Variants in CLCN1 observed in about 807,000 individuals in gnomAD.
CLCN1 encodes chloride voltage-gated channel 1.
CLCN1 carries 100 observed loss-of-function variants against 114.5 expected under a neutral mutation model. That is an observed-to-expected ratio of 0.87 (90% confidence interval 0.74 to 1.03). The LOEUF is 1.03. Ranked by LOEUF, CLCN1 falls within the 50% of genes least tolerant of loss-of-function variation. The pLI, the probability that CLCN1 is intolerant of heterozygous loss-of-function variation, is 0.00. For missense variants in CLCN1, 1,188 were observed against 1,250.0 expected, an observed-to-expected ratio of 0.95 and a Z score of 0.75; for synonymous variants, 485 against 487.1, an observed-to-expected ratio of 1.00 and a Z score of 0.06.
intron 12 of CLCN1, among the ~76,000 whole-genome samples, chr7:143,335,864 G>A (rs570912598): frequency 6.6e-6 from 1 of 152,104 alleles, no homozygotes; most frequent in South Asian, 2.1e-4. Context: ...GTTTCACCTT[G>A]TTAGCCAGGA....
chr7:143,332,639 A>T (rs2116854936), intron 11 of CLCN1, 85 bp from the exon 12 acceptor site: 1 of 1,570,048 alleles, frequency 6.4e-7, no homozygotes, highest in Non-Finnish European at 8.8e-7. Flanking sequence ...ACCCTTGAAT[A>T]ATGAGGCTGG....
In CLCN1 at chr7:143,323,309, G is replaced by A. The variant is rs139039122; in HGVS notation, c.697G>A (p.Gly233Ser). 3 of 1,609,770 alleles carry A rather than the reference G, an allele frequency of 1.9e-6. No homozygotes were observed. The highest frequency in any genetic ancestry group is 1.7e-5 in the Admixed American group (1 of 59,998). The change falls in exon 6 of 23, where the codon GGC becomes AGC. Residue 233 changes from glycine (G) to serine (S), a missense_variant and splice_region_variant. Gly to Ser is a moderately conservative substitution (Grantham distance 56, BLOSUM62 0). Coordinates refer to ENST00000343257, the MANE Select transcript of CLCN1 (RefSeq NM_000083.3). ...CGCCCCCTCGCTCCCCCTCTCCCAGGGCCCCTTCGTCCACATTGCCAGCAT... is the reference window on the plus strand; with the variant it reads ...CGCCCCCTCGCTCCCCCTCTCCCAGAGCCCCTTCGTCCACATTGCCAGCAT... ...LGSGIPVGKE[G>S]PFVHIASICA...
chr7:143,321,981 G>A lies in CLCN1; in HGVS notation c.696+133G>A. 1 of 1,017,424 alleles carries A rather than the reference G, an allele frequency of 9.8e-7. No individual in the cohort carries two copies. The highest frequency in any genetic ancestry group is 1.6e-5 in the South Asian group (1 of 61,402). The allele number at this position is 1,017,424 out of a possible 1,614,324, so 63.0% of individuals were successfully genotyped here. A position where few individuals can be genotyped will look rare whatever the true frequency, so the allele number is the denominator to read the frequency against. Reference sequence around the variant, plus strand: ...CAAGGCCAGGGCCAGGGGACACTAGGAAGGGGAAATGCTTTGGAAGTTCCT... The same window carrying A: ...CAAGGCCAGGGCCAGGGGACACTAGAAAGGGGAAATGCTTTGGAAGTTCCT... On this transcript the variant is annotated intron_variant, in intron 5 of 22. Coordinates refer to ENST00000343257, the MANE Select transcript of CLCN1 (RefSeq NM_000083.3). This position sits in a 1 kb window ranked among gnomAD's most constrained non-coding sequence, Gnocchi z 4.2.
In CLCN1 at chr7:143,341,149, T is replaced by C. The variant is rs567228651; in HGVS notation, c.1583-780T>C. Among the ~76,000 whole-genome samples the C allele has an allele frequency of 2.0e-5, 3 of 152,282 alleles. No homozygotes were observed. The East Asian group carries it at 5.8e-4, about 29-fold the overall frequency. On this transcript the variant is annotated intron_variant, in intron 14 of 22. Coordinates refer to ENST00000343257, the MANE Select transcript of CLCN1 (RefSeq NM_000083.3). ...GAGCAGGATCTGACACAGGTCTCAT[T>C]GCTGCATGTCCACAGTATGATTCTC... is the stretch of plus-strand genomic sequence containing the variant.
intron 6 of CLCN1, chr7:143,323,772 C>T: frequency 2.1e-6 from 1 of 481,758 alleles, no homozygotes; most frequent in Non-Finnish European, 4.3e-6. Context: ...TACGTCCCGC[C>T]TGCCCCACCC....
chr7:143,323,649 C>T (rs774948017), intron 6 of CLCN1: 8 of 631,650 alleles, frequency 1.3e-5, no homozygotes, highest in South Asian at 9.1e-5. Flanking sequence ...CGTCTGCTCC[C>T]ATGCTCTCCC....
chr7:143,331,707 G>C, intron 10 of CLCN1, 55 bp downstream of exon 10: 2 of 1,269,622 alleles, frequency 1.6e-6, no homozygotes, highest in Non-Finnish European at 2.3e-6. Context: ...TTCTCCAAGA[G>C]TTCCTCCCTT....
rs1802486595 is a variant in CLCN1, at chr7:143,323,210, T to A, written c.697-99T>A. On this transcript the variant is annotated intron_variant, in intron 5 of 22. Transcript: ENST00000343257. ...GTGTAACTCCCGTATTTCCAGCCCC[T>A]GGCACAGTGCCTGGAGTAAGGAATA... The A allele has an allele frequency of 7.7e-6, 6 of 774,408 alleles. No homozygotes were observed. The South Asian group carries it at 8.3e-5, about 11-fold the overall frequency. The allele number at this position is 774,408 out of a possible 1,614,324, so 48.0% of individuals were successfully genotyped here. A position where few individuals can be genotyped will look rare whatever the true frequency, so the allele number is the denominator to read the frequency against.
In CLCN1 at chr7:143,350,417, G is replaced by A; in HGVS notation, c.2449G>A (p.Asp817Asn). The change falls in exon 21 of 23, where the codon GAT (aspartate) becomes AAT (asparagine). Residue 817 changes from aspartate (D) to asparagine (N), a missense_variant. Transcript: ENST00000343257. This position sits in a 1 kb window ranked among gnomAD's most constrained non-coding sequence, Gnocchi z 5.1. Reference protein sequence around the residue: ...QEQLSQPVCFDSCCIDQSPFQ... With the variant: ...QEQLSQPVCFNSCCIDQSPFQ... Reference sequence around the variant, plus strand: ...GCAGCTGAGCCAGCCTGTCTGTTTTGATTCCTGCTGTATTGACCAGTCTCC... The same window carrying A: ...GCAGCTGAGCCAGCCTGTCTGTTTTAATTCCTGCTGTATTGACCAGTCTCC... 1 of 1,614,190 alleles carries A rather than the reference G, an allele frequency of 6.2e-7. No homozygotes were observed. The highest frequency in any genetic ancestry group is 8.5e-7 in the Non-Finnish European group (1 of 1,180,022).
chr7:143,330,000 A>G (rs1427595146), intron 7 of CLCN1, among the ~76,000 whole-genome samples: 2 of 152,066 alleles, frequency 1.3e-5, no homozygotes, highest in Non-Finnish European at 2.9e-5. Flanking sequence ...TTTCTGCTCC[A>G]GCACCTACGC....
chr7:143,334,243 T>C (rs1802810004), intron 12 of CLCN1, among the ~76,000 whole-genome samples: 1 of 152,218 alleles, frequency 6.6e-6, no homozygotes, highest in Non-Finnish European at 1.5e-5. Context: ...ATTGCCCTTT[T>C]TTTTCTTTTG....
intron 5 of CLCN1, among the ~76,000 whole-genome samples, chr7:143,322,490 G>T (rs899345419): frequency 1.3e-5 from 2 of 152,094 alleles, no homozygotes; most frequent in Admixed American, 6.5e-5. Context: ...ACTTCTTAAG[G>T]CTTTCCATGC....
At position 143,320,553 on chromosome 7, in the gene CLCN1, T is replaced by TTCTCTC. The variant is rs59572880; in HGVS notation, c.302-83_302-78dup. ...TAAAGTAGTGACTCGTTAGCTGCTT[T>TTCTCTC]TCTCTCTCTCTCTCTCTCTCTCTCT... On this transcript the variant is annotated intron_variant, in intron 2 of 22. Coordinates refer to ENST00000343257, the MANE Select transcript of CLCN1 (RefSeq NM_000083.3). 1,675 of 673,888 alleles carry TTCTCTC rather than the reference T, an allele frequency of 2.5e-3. 7 individuals carry two copies. Among genetic ancestry groups the TTCTCTC allele is most frequent in the African/African-American group, 0.016 (821 of 51,248 alleles). The allele number at this position is 673,888 out of a possible 1,614,324, so 41.7% of individuals were successfully genotyped here. A position where few individuals can be genotyped will look rare whatever the true frequency, so the allele number is the denominator to read the frequency against.
At chr7:143,320,018 T>A in intron 2 of CLCN1, 143 bp downstream of exon 2, 1 of 854,728 alleles carries the variant, frequency 1.2e-6, no homozygotes, top group South Asian at 1.5e-5. Context: ...AGACAGGGTC[T>A]CACTCTGTCA....
chr7:143,351,780 G>A lies in CLCN1; in HGVS notation c.2782G>A (p.Glu928Lys), dbSNP rs1803416147. The A allele has an allele frequency of 3.7e-6, 6 of 1,614,106 alleles. No homozygotes were observed. Among genetic ancestry groups the A allele is most frequent in the Non-Finnish European group, 5.1e-6 (6 of 1,180,006 alleles). ...AGGGGATGTGATTGCTGCCTCCCCA[G>A]AGACCCCTGTGCCATCTCCTTCCCC... ...GTGDVIAASP[E>K]TPVPSPSPEP... is the part of the protein sequence containing the mutation. The change falls in exon 23 of 23, where the codon GAG (glutamate) becomes AAG (lysine). Residue 928 changes from glutamate to lysine, a missense_variant. By Grantham distance (56) the Glu-to-Lys change is moderately conservative. Transcript: ENST00000343257.
At chr7:143,322,756 G>A (rs1046032684) in intron 5 of CLCN1, among the ~76,000 whole-genome samples, 7 of 152,216 alleles carry the variant, frequency 4.6e-5, no homozygotes, top group South Asian at 2.1e-4. Context: ...TCCTGACCTC[G>A]GGTGATCACC....
rs1188940965 is a variant in CLCN1 at position 143,334,832 on chromosome 7, G to GATTTTAC, written c.1401+1965_1401+1971dup. ...CCCTTTAAAATGTCTTTCTTCAAAA[G>GATTTTAC]ATTTTACATTTTTATCATGAAAGAA... On this transcript the variant is annotated intron_variant, in intron 12 of 22. Coordinates refer to ENST00000343257, the MANE Select transcript of CLCN1 (RefSeq NM_000083.3). Among the ~76,000 whole-genome samples the GATTTTAC allele has an allele frequency of 2.0e-5, 3 of 152,146 alleles. No individual in the cohort carries two copies. The East Asian group carries it at 5.8e-4, about 29-fold the overall frequency.
chr7:143,319,749 G>T lies in CLCN1; in HGVS notation c.181-6G>T. 3 of 1,613,852 alleles carry T rather than the reference G, an allele frequency of 1.9e-6. No homozygotes were observed. Among genetic ancestry groups the T allele is most frequent in the African/African-American group, 2.7e-5 (2 of 75,006 alleles). ...GGCAGACACTGATCATTCTCTCTCTGTCCAGATTTATGGCCATCACAAAGA... is the reference window on the plus strand; with the variant it reads ...GGCAGACACTGATCATTCTCTCTCTTTCCAGATTTATGGCCATCACAAAGA... On this transcript the variant is annotated splice_polypyrimidine_tract_variant and splice_region_variant and intron_variant, in intron 1 of 22. Coordinates refer to ENST00000343257, the MANE Select transcript of CLCN1 (RefSeq NM_000083.3).
At chr7:143,323,642 C>A (rs1305441751) in intron 6 of CLCN1, 1 of 640,514 alleles carries the variant, frequency 1.6e-6, no homozygotes, top group East Asian at 3.3e-5. Flanking sequence ...GGTCTGTCGT[C>A]TGCTCCCATG....
Sources: gnomAD v4.1 joint callset for allele counts (sites outside exome capture counted in the v4.1 genomes callset) on GRCh38, gnomAD v4.1.1 for gene constraint, Gnocchi (gnomAD v3.1) non-coding constraint, MANE v1.5 for transcripts, NCBI Gene and HGNC (gene_info 2026-07-23, HGNC 2026-07-21) for gene names.